The following CRYBG3 variants were observed in gnomAD, a reference collection of about 807,000 sequenced individuals.
CRYBG3 encodes crystallin beta-gamma domain containing 3.
Under a neutral mutation model 244.2 loss-of-function variants are expected in CRYBG3, and 127 were observed. That is an observed-to-expected ratio of 0.52 (90% confidence interval 0.45 to 0.60). The LOEUF is 0.60. Ranked by LOEUF, CRYBG3 falls within the 20% of genes least tolerant of loss-of-function variation. CRYBG3 has a pLI of 0.00. For synonymous variants in CRYBG3, 1,132 were observed against 1,195.8 expected, an observed-to-expected ratio of 0.95 and a Z score of 1.10; for missense variants, 3,325 against 3,442.5, an observed-to-expected ratio of 0.97 and a Z score of 0.85.
At chr3:97,848,640 G>A (rs919213110) in intron 2 of CRYBG3, among the ~76,000 whole-genome samples, 3 of 152,028 alleles carry the variant, frequency 2.0e-5, no homozygotes, top group Non-Finnish European at 4.4e-5. Flanking sequence ...ATGTCTGTCT[G>A]GCCTCAAACT....
Position 97,875,978 on chromosome 3 carries a change from G to T in CRYBG3, c.4784G>T (p.Gly1595Val). 1 of 1,232,060 alleles carries T rather than the reference G, an allele frequency of 8.1e-7. No individual in the cohort carries two copies. Among genetic ancestry groups the T allele is most frequent in the South Asian group, 4.1e-5 (1 of 24,306 alleles). The allele number at this position is 1,232,060 out of a possible 1,614,324, so 76.3% of individuals were successfully genotyped here. A position where few individuals can be genotyped will look rare whatever the true frequency, so the allele number is the denominator to read the frequency against. Residue 1595 changes from glycine (G) to valine (V), a missense_variant, in exon 4 of 22, where the codon GGA becomes GTA. By Grantham distance (109) the Gly-to-Val change is moderately radical (BLOSUM62 -3). Transcript: ENST00000389622. ...TEPKANVFKMGEVYQMDAESC... is the reference protein window; with the variant it reads ...TEPKANVFKMVEVYQMDAESC... ...CCAAAAGCTAATGTTTTTAAAATGG[G>T]AGAAGTATACCAAATGGATGCCGAG... is the stretch of plus-strand genomic sequence containing the variant.
intron 15 of CRYBG3, among the ~76,000 whole-genome samples, chr3:97,907,919 T>G (rs531955791): frequency 3.3e-5 from 5 of 151,964 alleles, no homozygotes; most frequent in Admixed American, 2.6e-4. Context: ...CTGCTTTGAA[T>G]GCGTCCCAGA....
At chr3:97,864,875 CT>C (rs374881962) in intron 3 of CRYBG3, among the ~76,000 whole-genome samples, 2 of 151,988 alleles carry the variant, frequency 1.3e-5, no homozygotes, top group Non-Finnish European at 1.5e-5. Flanking sequence ...GTAAAAGATT[CT>C]TTTTTTCCCT....
At chr3:97,835,636 G>A (rs1171572783) in intron 1 of CRYBG3, among the ~76,000 whole-genome samples, 1 of 152,048 alleles carries the variant, frequency 6.6e-6, no homozygotes, top group East Asian at 1.9e-4. Context: ...ATATGTGTGT[G>A]TAAATGTGTT....
At chr3:97,822,442 T>A (rs2038515777) in intron 1 of CRYBG3, 87 bp downstream of exon 1, 2 of 1,270,418 alleles carry the variant, frequency 1.6e-6, no homozygotes, top group East Asian at 2.9e-5. Flanking sequence ...AGCGGGCCGC[T>A]CTTGGGCCAG....
At chr3:97,834,974 C>T (rs1322464148) in intron 1 of CRYBG3, among the ~76,000 whole-genome samples, 2 of 152,080 alleles carry the variant, frequency 1.3e-5, no homozygotes, top group Non-Finnish European at 2.9e-5. Context: ...AAACATATAT[C>T]ATTCTTTCAA....
Position 97,874,600 on chromosome 3 carries a change from A to T in CRYBG3, c.3406A>T (p.Ile1136Leu), listed in dbSNP as rs1016900371. 2.0e-5 allele frequency: 31 copies of T among 1,535,898 alleles called. No individual in the cohort carries two copies. Among genetic ancestry groups the T allele is most frequent in the Non-Finnish European group, 2.6e-5 (30 of 1,146,836 alleles). ...ACATTTTGGGATTTATACTGGGAAG[A>T]TATCCATTGATTTCCCAACTGCTGC... ...QEHFGIYTGKISIDFPTAAQF... is the reference protein window; with the variant it reads ...QEHFGIYTGKLSIDFPTAAQF... Residue 1136 changes from isoleucine (I) to leucine (L), a missense_variant, in exon 4 of 22, where the codon ATA becomes TTA. Ile to Leu is a conservative substitution (Grantham distance 5). Coordinates refer to ENST00000389622, the MANE Select transcript of CRYBG3 (RefSeq NM_153605.4).
At chr3:97,842,327 C>G (rs1015203558) in intron 1 of CRYBG3, among the ~76,000 whole-genome samples, 2 of 152,068 alleles carry the variant, frequency 1.3e-5, no homozygotes, top group Non-Finnish European at 2.9e-5. Flanking sequence ...CTTTGAAAGG[C>G]CAAGTTTAGA....
At chr3:97,910,336 C>T (rs960938202) in intron 15 of CRYBG3, among the ~76,000 whole-genome samples, 12 of 152,222 alleles carry the variant, frequency 7.9e-5, no homozygotes, top group Admixed American at 5.9e-4. Flanking sequence ...GGCGGGCACC[C>T]CTCCCCCAGC....
intron 18 of CRYBG3, among the ~76,000 whole-genome samples, chr3:97,936,118 G>A (rs889476045): frequency 7.9e-5 from 12 of 152,098 alleles, no homozygotes; most frequent in Non-Finnish European, 1.8e-4. Flanking sequence ...GACTACTGAA[G>A]TTGCTATGGT....
At chr3:97,900,554 T>A in intron 15 of CRYBG3, 69 bp downstream of exon 15, 1 of 986,170 alleles carries the variant, frequency 1.0e-6, no homozygotes. Context: ...TTCTCTCAAA[T>A]CTTTCTCTTT....
At chr3:97,919,413 C>T (rs1443524326) in intron 17 of CRYBG3, among the ~76,000 whole-genome samples, 1 of 151,952 alleles carries the variant, frequency 6.6e-6, no homozygotes, top group East Asian at 1.9e-4. Flanking sequence ...AACTAAAACC[C>T]AGGGTTTTCA....
rs750469757 is a variant in CRYBG3, at chr3:97,933,791, A to T, written c.8339A>T (p.Asp2780Val). ...EEAVNSVLNK[D>V]LHFYTQSVWV... ...GCTGTGAACTCTGTTCTGAACAAGGACCTACACTTCTACACCCAGTCTGTG... is the reference window on the plus strand; with the variant it reads ...GCTGTGAACTCTGTTCTGAACAAGGTCCTACACTTCTACACCCAGTCTGTG... The change falls in exon 18 of 22, where the codon GAC (aspartate) becomes GTC (valine). Residue 2780 changes from aspartate (D) to valine (V), a missense_variant. Around this residue, in one of 4 missense-constraint regions of CRYBG3, gnomAD observed 714 missense variants for 803.6 expected, o/e 0.89. Transcript: ENST00000389622. 2.0e-5 allele frequency: 33 copies of T among 1,612,892 alleles called. No homozygotes were observed. Among genetic ancestry groups the T allele is most frequent in the Non-Finnish European group, 2.5e-5 (29 of 1,179,304 alleles).
chr3:97,874,269 C>T lies in CRYBG3; in HGVS notation c.3075C>T (p.Asp1025=), dbSNP rs1277148781. 1 of 1,534,752 alleles carries T rather than the reference C, an allele frequency of 6.5e-7. No homozygotes were observed. Among genetic ancestry groups the T allele is most frequent in the African/African-American group, 1.4e-5 (1 of 72,956 alleles). The change falls in exon 4 of 22, where the codon GAC becomes GAT. Residue 1025 remains aspartate, a synonymous_variant. Coordinates refer to ENST00000389622, the MANE Select transcript of CRYBG3 (RefSeq NM_153605.4). The part of the protein sequence containing the change: ...SLEKNSSASE[D]SSFLKVPSVL... ...AAAAAAATTCTTCTGCATCTGAGGA[C>T]TCAAGCTTCCTTAAAGTACCTTCTG...
intron 17 of CRYBG3, 144 bp downstream of exon 17, chr3:97,915,880 T>A: frequency 1.5e-6 from 1 of 667,294 alleles, no homozygotes; most frequent in Non-Finnish European, 2.3e-6. Context: ...TTGTCAATCG[T>A]AAAACTGAGG....
chr3:97,883,628 T>G (rs1159989726), intron 7 of CRYBG3, among the ~76,000 whole-genome samples: 1 of 152,232 alleles, frequency 6.6e-6, no homozygotes, highest in Non-Finnish European at 1.5e-5. Flanking sequence ...TTCTAGTGTT[T>G]GTTCTCGGAA....
chr3:97,933,844 G>A lies in CRYBG3; in HGVS notation c.8381+11G>A. On this transcript the variant is annotated intron_variant, in intron 18 of 21. Transcript: ENST00000389622. ...GGTAAAAAGTGGACTGTAAGTATGGGAAAAAGGCTTGGTCTGGTTCAGTTA... is the reference window on the plus strand; with the variant it reads ...GGTAAAAAGTGGACTGTAAGTATGGAAAAAAGGCTTGGTCTGGTTCAGTTA... 1 of 1,608,166 alleles carries A rather than the reference G, an allele frequency of 6.2e-7. No individual in the cohort carries two copies. Among genetic ancestry groups the A allele is most frequent in the Non-Finnish European group, 8.5e-7 (1 of 1,177,096 alleles).
At chr3:97,884,413 T>C (rs986165706) in intron 7 of CRYBG3, among the ~76,000 whole-genome samples, 9 of 152,134 alleles carry the variant, frequency 5.9e-5, no homozygotes, top group African/African-American at 2.2e-4. Flanking sequence ...GATGCAGGAC[T>C]GAGGTATCTT....
In CRYBG3 at chr3:97,847,513, C is replaced by G. The variant is rs553657524; in HGVS notation, c.216+4252C>G. 2.0e-5 allele frequency among the ~76,000 whole-genome samples: 3 copies of G among 152,330 alleles called. No homozygotes were observed. The South Asian group carries it at 6.2e-4, about 32-fold the overall frequency. ...TACCATGATTCTTCCTATTCGTGTA[C>G]TGAATTTTTAAGCTATATTCATAAA... On this transcript the variant is annotated intron_variant, in intron 2 of 21. Transcript: ENST00000389622.
Sources: allele counts gnomAD v4.1 joint callset (sites outside exome capture counted in the v4.1 genomes callset), GRCh38; gene constraint gnomAD v4.1.1; regional missense constraint gnomAD v4.1.1; transcripts MANE v1.5; gene names NCBI Gene and HGNC (gene_info 2026-07-23, HGNC 2026-07-21).